Variants in PARP8 observed in about 807,000 individuals in gnomAD.
The protein encoded by PARP8 is poly(ADP-ribose) polymerase family member 8.
Under a neutral mutation model 124.1 loss-of-function variants are expected in PARP8, and 51 were observed. That is an observed-to-expected ratio of 0.41 (90% CI 0.33 to 0.52). PARP8 has a LOEUF of 0.52. Among genes scored for constraint, PARP8 ranks in the 20% least tolerant of loss-of-function variants. The pLI, the probability that PARP8 is intolerant of heterozygous loss-of-function variation, is 0.21. For missense variants in PARP8, 860 were observed against 1,018.9 expected (o/e 0.84, Z 2.12); for synonymous variants, 391 against 361.5 (o/e 1.08, Z -0.93).
intron 2 of PARP8, among the ~76,000 whole-genome samples, chr5:50,675,179 G>T (rs1258786462): frequency 6.6e-6 from 1 of 152,276 alleles, no homozygotes; most frequent in African/African-American, 2.4e-5. Context: ...TAGCAGAGAG[G>T]TTGCTGCTGG....
chr5:50,700,539 A>C (rs1753485729), intron 2 of PARP8, among the ~76,000 whole-genome samples: 1 of 152,228 alleles, frequency 6.6e-6, no homozygotes, highest in Admixed American at 6.5e-5. Context: ...GCTCTGTGGA[A>C]TAAATCTGTA....
intron 2 of PARP8, among the ~76,000 whole-genome samples, chr5:50,735,738 G>T (rs1288922134): frequency 4.6e-5 from 7 of 152,070 alleles, no homozygotes; most frequent in South Asian, 2.1e-4. Flanking sequence ...AGAGAAATAC[G>T]ATCTAGTGGG....
chr5:50,740,355 G>A (rs1757923042), intron 2 of PARP8, among the ~76,000 whole-genome samples: 4 of 152,114 alleles, frequency 2.6e-5, no homozygotes, highest in Admixed American at 1.3e-4. Flanking sequence ...AAGGAGGAGG[G>A]GAGAGAGAAT....
chr5:50,726,892 A>G (rs1756481565), intron 2 of PARP8, among the ~76,000 whole-genome samples: 1 of 152,112 alleles, frequency 6.6e-6, no homozygotes, highest in African/African-American at 2.4e-5. Context: ...TTAGAATAAC[A>G]CATCTCTCTG....
intron 2 of PARP8, among the ~76,000 whole-genome samples, chr5:50,683,000 G>A (rs1751463156): frequency 6.6e-6 from 1 of 152,046 alleles, no homozygotes; most frequent in Admixed American, 6.6e-5. Context: ...CTTGGTCTCG[G>A]TATTTGTGGA....
At chr5:50,765,206 G>A (rs1158300057) in intron 7 of PARP8, among the ~76,000 whole-genome samples, 1 of 151,636 alleles carries the variant, frequency 6.6e-6, no homozygotes. Context: ...AGGTTGCAGT[G>A]AGCTGAGATC....
At chr5:50,806,942 CAT>C (rs1177091549) in intron 14 of PARP8, among the ~76,000 whole-genome samples, 19 of 152,034 alleles carry the variant, frequency 1.2e-4, no homozygotes, top group Non-Finnish European at 2.4e-4. Context: ...GTCTCAGAGA[CAT>C]AAAGAGTGTA....
intron 2 of PARP8, among the ~76,000 whole-genome samples, chr5:50,726,250 A>G (rs941781796): frequency 5.3e-5 from 8 of 152,112 alleles, no homozygotes; most frequent in East Asian, 1.9e-4. Flanking sequence ...TTCCTCGACT[A>G]TACAATAACA....
At chr5:50,781,713 T>A (rs1374574025) in intron 9 of PARP8, among the ~76,000 whole-genome samples, 1 of 152,134 alleles carries the variant, frequency 6.6e-6, no homozygotes, top group Non-Finnish European at 1.5e-5. Context: ...GATAAGTACT[T>A]GGCAGTTTTT....
chr5:50,711,559 A>G (rs1158134477), intron 2 of PARP8, among the ~76,000 whole-genome samples: 1 of 152,140 alleles, frequency 6.6e-6, no homozygotes, highest in South Asian at 2.1e-4. Context: ...AAGTTAGCCC[A>G]GATGTAGTTT....
In PARP8 at chr5:50,750,156, C is replaced by CA; in HGVS notation, c.152_153insA (p.Tyr52LeufsTer7). 2 of 1,586,688 alleles carry CA rather than the reference C, an allele frequency of 1.3e-6. No individual in the cohort carries two copies. Among genetic ancestry groups the CA allele is most frequent in the Non-Finnish European group, 1.7e-6 (2 of 1,156,816 alleles). ...TTGTTTGTTTGTTTTAACAGTGTAT[C>CA]CTACTCAGTACATGTATCTGAAGAT... On this transcript the variant is annotated frameshift_variant, in exon 3 of 26. Coordinates refer to ENST00000281631, the MANE Select transcript of PARP8 (RefSeq NM_024615.4). LOFTEE classifies it high-confidence loss of function.
At chr5:50,761,555 TAA>T (rs1760547133) in intron 5 of PARP8, among the ~76,000 whole-genome samples, 1 of 152,050 alleles carries the variant, frequency 6.6e-6, no homozygotes, top group African/African-American at 2.4e-5. Flanking sequence ...TGATTATACA[TAA>T]GTTTTTAATA....
chr5:50,674,615 G>A (rs1404253126), intron 2 of PARP8, among the ~76,000 whole-genome samples: 1 of 152,082 alleles, frequency 6.6e-6, no homozygotes, highest in Non-Finnish European at 1.5e-5. Flanking sequence ...AACATTCTTG[G>A]CCTTTGAGAG....
At chr5:50,791,324 C>G (rs1348140825) in intron 10 of PARP8, among the ~76,000 whole-genome samples, 1 of 152,122 alleles carries the variant, frequency 6.6e-6, no homozygotes, top group Non-Finnish European at 1.5e-5. Flanking sequence ...GGCCTTGTTA[C>G]TCTCATATTT....
rs146550567 is a variant in PARP8, at chr5:50,719,497, T to A, written c.147-30654T>A. Among the ~76,000 whole-genome samples the A allele has an allele frequency of 5.7e-3, 870 of 152,218 alleles. 3 individuals are homozygous for A. The highest frequency in any genetic ancestry group is 6.8e-3 in the Non-Finnish European group (460 of 67,992). ...GTCTTTAATTCATTTCGATTAGATT[T>A]TTGTGTATGGCAAGAGATAGGGATC... is the stretch of plus-strand genomic sequence containing the variant. On this transcript the variant is annotated intron_variant, in intron 2 of 25. Transcript: ENST00000281631.
chr5:50,677,501 G>A (rs1327235053), intron 2 of PARP8, among the ~76,000 whole-genome samples: 1 of 152,098 alleles, frequency 6.6e-6, no homozygotes, highest in African/African-American at 2.4e-5. Flanking sequence ...GCAGTCCATC[G>A]TTATGGGAAA....
chr5:50,731,164 A>G (rs560318719), intron 2 of PARP8, among the ~76,000 whole-genome samples: 1 of 152,326 alleles, frequency 6.6e-6, no homozygotes, highest in African/African-American at 2.4e-5. Context: ...TCATCTGTAA[A>G]ATAAGGGATG....
At chr5:50,694,530 A>G (rs749869997) in intron 2 of PARP8, among the ~76,000 whole-genome samples, 2 of 152,128 alleles carry the variant, frequency 1.3e-5, no homozygotes, top group African/African-American at 2.4e-5. Context: ...CCCTGCTTTT[A>G]TAAATTTTGT....
intron 17 of PARP8, 75 bp from the exon 18 acceptor site, chr5:50,824,827 CGTTTGG>C: frequency 8.9e-7 from 1 of 1,122,454 alleles, no homozygotes; most frequent in Non-Finnish European, 1.4e-6. Context: ...TTAGGCATAT[CGTTTGG>C]TCTGATTTTC....
Sources: allele counts gnomAD v4.1 joint callset (sites outside exome capture counted in the v4.1 genomes callset), GRCh38; gene constraint gnomAD v4.1.1; transcripts MANE v1.5; gene names NCBI Gene and HGNC (gene_info 2026-07-23, HGNC 2026-07-21).